Variants in CLIP4 observed in about 807,000 individuals in gnomAD.
CLIP4 encodes CAP-Gly domain containing linker protein family member 4.
Under a neutral mutation model 73.1 loss-of-function variants are expected in CLIP4, and 47 were observed. The observed-to-expected ratio is 0.64, with a 90% CI of 0.51 to 0.82. The LOEUF is 0.82. Among genes scored for constraint, CLIP4 ranks in the 40% least tolerant of loss-of-function variants. The probability of loss-of-function intolerance (pLI) is 0.00; values close to 1 mark genes in which losing one functional copy is unlikely to be tolerated. For missense variants in CLIP4, 874 were observed against 852.9 expected (o/e 1.02, Z -0.31); for synonymous variants, 306 against 295.4 (o/e 1.04, Z -0.37).
chr2:29,122,464 A>G (rs1237681612), intron 2 of CLIP4, among the ~76,000 whole-genome samples: 1 of 152,074 alleles, frequency 6.6e-6, no homozygotes, highest in Non-Finnish European at 1.5e-5. Context: ...CTTGACTTCT[A>G]ATTGTCTTAT....
chr2:29,174,405 T>G lies in CLIP4; in HGVS notation c.1756T>G (p.Ser586Ala). ...GAGAAGTTTTAGCACAACTTCTGCTTCTTCCCAAAAGGAGATTAACAGAAG... is the reference window on the plus strand; with the variant it reads ...GAGAAGTTTTAGCACAACTTCTGCTGCTTCCCAAAAGGAGATTAACAGAAG... ...FRRSFSTTSA[S>A]SQKEINRRNA... Residue 586 changes from serine to alanine, a missense_variant, in exon 15 of 16, where the codon TCT (serine) becomes GCT (alanine). Coordinates refer to ENST00000320081, the MANE Select transcript of CLIP4 (RefSeq NM_024692.6). 2 of 1,612,796 alleles carry G rather than the reference T, an allele frequency of 1.2e-6. No individual in the cohort carries two copies. Among genetic ancestry groups the G allele is most frequent in the Non-Finnish European group, 8.5e-7 (1 of 1,179,732 alleles).
rs367876582 is a variant in CLIP4, at chr2:29,181,811, C to G, written c.2036C>G (p.Pro679Arg). 1 of 1,614,106 alleles carries G rather than the reference C, an allele frequency of 6.2e-7. No homozygotes were observed. The highest frequency in any genetic ancestry group is 8.5e-7 in the Non-Finnish European group (1 of 1,179,998). ...GACAAGCGCTATTTCACCTGTAAGC[C>G]GAACCATGGAGTCTTAGTTCGACCG... ...VGDKRYFTCK[P>R]NHGVLVRPSR... The change falls in exon 16 of 16, where the codon CCG becomes CGG. Residue 679 changes from proline to arginine, a missense_variant. Physicochemically the swap from Pro to Arg is moderately radical, Grantham distance 103. Transcript: ENST00000320081.
intron 12 of CLIP4, among the ~76,000 whole-genome samples, chr2:29,162,483 A>G (rs1667353857): frequency 6.6e-6 from 1 of 152,206 alleles, no homozygotes; most frequent in African/African-American, 2.4e-5. Context: ...CACCACTGCC[A>G]AAGTGTAGTC....
intron 14 of CLIP4, among the ~76,000 whole-genome samples, chr2:29,174,155 A>G (rs971844521): frequency 3.3e-5 from 5 of 151,802 alleles, no homozygotes; most frequent in African/African-American, 9.7e-5. Flanking sequence ...ATCTCACTCT[A>G]TTGCCCAGGC....
At chr2:29,128,628 T>C (rs894026156) in intron 2 of CLIP4, among the ~76,000 whole-genome samples, 1 of 152,164 alleles carries the variant, frequency 6.6e-6, no homozygotes, top group African/African-American at 2.4e-5. Context: ...CAAGAAAGTT[T>C]AGTCGTTTTA....
chr2:29,165,564 T>G (rs921020330), intron 13 of CLIP4, among the ~76,000 whole-genome samples: 1 of 152,218 alleles, frequency 6.6e-6, no homozygotes, highest in Non-Finnish European at 1.5e-5. Context: ...GACATACATC[T>G]TGTAAATAAT....
chr2:29,139,251 T>C (rs1315305144), intron 6 of CLIP4, among the ~76,000 whole-genome samples: 1 of 152,090 alleles, frequency 6.6e-6, no homozygotes, highest in South Asian at 2.1e-4. Context: ...TTTTTCTGTG[T>C]CTATTGAGAT....
chr2:29,141,566 A>G (rs62132791), intron 6 of CLIP4, among the ~76,000 whole-genome samples: 27,139 of 152,204 alleles, frequency 0.18, 3,249 homozygotes, highest in Non-Finnish European at 0.25. Flanking sequence ...ACACTTTATC[A>G]TTATGTAATG....
chr2:29,154,494 T>C (rs546199207), intron 9 of CLIP4, among the ~76,000 whole-genome samples: 4 of 152,292 alleles, frequency 2.6e-5, no homozygotes, highest in African/African-American at 9.6e-5. Context: ...GGAATCCACA[T>C]TGGTTTTTCT....
intron 8 of CLIP4, among the ~76,000 whole-genome samples, chr2:29,151,581 A>G (rs1197940749): frequency 6.6e-6 from 1 of 152,198 alleles, no homozygotes; most frequent in East Asian, 1.9e-4. Context: ...GAGGTGGGAG[A>G]GAATTTTAAG....
At position 29,106,056 on chromosome 2, in the gene CLIP4, C is replaced by CTT. The variant is rs34819898; in HGVS notation, c.-16+8122_-16+8123dup. ...AAGGTATCATGGTTTAGCATTTAAT[C>CTT]TTTTTTTTTTTTTTGAGACAGCATT... On this transcript the variant is annotated intron_variant, in intron 1 of 14. Coordinates refer to the CLIP4 transcript ENST00000401605. Among the ~76,000 whole-genome samples, 528 of 144,948 alleles carry CTT rather than the reference C, an allele frequency of 3.6e-3. 3 individuals carry two copies. Among genetic ancestry groups the CTT allele is most frequent in the African/African-American group, 9.5e-3 (375 of 39,514 alleles).
intron 12 of CLIP4, among the ~76,000 whole-genome samples, chr2:29,161,337 A>G (rs1311838745): frequency 6.6e-6 from 1 of 152,180 alleles, no homozygotes; most frequent in Non-Finnish European, 1.5e-5. Context: ...GAACAAAACC[A>G]AGTTTGTATG....
At chr2:29,129,210 C>T (rs1664808867) in intron 2 of CLIP4, among the ~76,000 whole-genome samples, 1 of 152,248 alleles carries the variant, frequency 6.6e-6, no homozygotes, top group South Asian at 2.1e-4. Flanking sequence ...AGTAGACCTA[C>T]ATAGAATCAA....
chr2:29,157,466 CT>C, intron 11 of CLIP4, 119 bp downstream of exon 11: 1 of 1,517,908 alleles, frequency 6.6e-7, no homozygotes, highest in South Asian at 1.2e-5. Context: ...GATTGAACTA[CT>C]TTTACTCTTC....
rs1664985601 is a variant in CLIP4, at chr2:29,131,730, G to A, written c.273+333G>A. 2.1e-5 allele frequency: 5 copies of A among 240,800 alleles called. No individual in the cohort carries two copies. In the South Asian group the frequency reaches 5.5e-4, roughly 26 times the overall value. 14.9% of individuals were successfully genotyped at this position (240,800 alleles called of 1,614,324 possible). On this transcript the variant is annotated intron_variant, in intron 3 of 15. Coordinates refer to ENST00000320081, the MANE Select transcript of CLIP4 (RefSeq NM_024692.6). ...CCATCATGTTCTATTTACACTTTTGGTTGGTTTGGTAAATATATAGGCTTG... is the reference window on the plus strand; with the variant it reads ...CCATCATGTTCTATTTACACTTTTGATTGGTTTGGTAAATATATAGGCTTG...
intron 13 of CLIP4, among the ~76,000 whole-genome samples, chr2:29,165,941 A>G (rs13417374): frequency 0.34 from 51,430 of 149,702 alleles, 10,606 homozygotes; most frequent in East Asian, 0.8. Context: ...GTTTTCTTTA[A>G]GGTGGTGCAT....
rs200866160 is a variant in CLIP4 at position 29,100,117 on chromosome 2, CAGG to C, written c.-16+2171_-16+2173del. ...TAATTTTTGTATTTTTTTGTAGAGA[CAGG>C]GTTTTCGCCGTGTTGCCCAGGCTGG... On this transcript the variant is annotated intron_variant, in intron 1 of 14. Coordinates refer to the CLIP4 transcript ENST00000401605. Among the ~76,000 whole-genome samples, 1,112 of 151,980 alleles carry C rather than the reference CAGG, an allele frequency of 7.3e-3. 12 individuals carry two copies. Among genetic ancestry groups the C allele is most frequent in the African/African-American group, 0.025 (1,051 of 41,444 alleles).
At chr2:29,164,935 GTGT>G (rs1487477335) in intron 13 of CLIP4, among the ~76,000 whole-genome samples, 1 of 152,150 alleles carries the variant, frequency 6.6e-6, no homozygotes, top group Non-Finnish European at 1.5e-5. Flanking sequence ...TTTCACTTAA[GTGT>G]TGTTTCATTT....
intron 14 of CLIP4, chr2:29,167,869 A>G (rs2148076903): frequency 5.3e-6 from 1 of 188,742 alleles, no homozygotes; most frequent in South Asian, 1.9e-4. Context: ...AATAAATAAT[A>G]TGTGTTCAGT....
Sources: allele counts gnomAD v4.1 joint callset (sites outside exome capture counted in the v4.1 genomes callset), GRCh38; gene constraint gnomAD v4.1.1; transcripts MANE v1.5; gene names NCBI Gene and HGNC (gene_info 2026-07-23, HGNC 2026-07-21).